Variants in IQCH observed in about 807,000 individuals in gnomAD.
IQCH encodes the protein IQ domain-containing protein H.
Under a neutral mutation model 117.0 loss-of-function variants are expected in IQCH, and 98 were observed. That is an observed-to-expected ratio of 0.84 (90% CI 0.71 to 0.99). The LOEUF (loss-of-function observed/expected upper bound fraction) is 0.99, where lower values mean the gene tolerates loss of function less well. Among genes scored for constraint, IQCH ranks in the 50% least tolerant of loss-of-function variants. The probability of loss-of-function intolerance (pLI) is 0.00; values close to 1 mark genes in which losing one functional copy is unlikely to be tolerated. For missense variants in IQCH, 1,102 were observed against 1,243.8 expected (o/e 0.89, Z 1.72); for synonymous variants, 412 against 448.2 (o/e 0.92, Z 1.02).
Position 67,359,816 on chromosome 15 carries a change from G to C in IQCH, c.715-31G>C, listed in dbSNP as rs181433729. On this transcript the variant is annotated intron_variant, in intron 7 of 20. Transcript: ENST00000335894. The surrounding 1 kb of genome is among the most constrained non-coding windows in gnomAD (Gnocchi z 4.5). The stretch of plus-strand genomic sequence containing the variant: ...TAAAATTGCCCATGAGAGTCGTTTT[G>C]ATTTAAACTGTGTCTCATTCTTCAT... The C allele has an allele frequency of 1.4e-3, 1,658 of 1,196,578 alleles. 3 individuals are homozygous for C. Among genetic ancestry groups the C allele is most frequent in the Non-Finnish European group, 1.7e-3 (1,409 of 819,412 alleles). The allele number at this position is 1,196,578 out of a possible 1,614,324, so 74.1% of individuals were successfully genotyped here.
At chr15:67,266,082 A>G (rs1001209055) in intron 3 of IQCH, among the ~76,000 whole-genome samples, 2 of 151,968 alleles carry the variant, frequency 1.3e-5, no homozygotes, top group African/African-American at 2.4e-5. Flanking sequence ...TTTTATTGAC[A>G]TAGCCATTGG....
At position 67,481,422 on chromosome 15, in the gene IQCH, C is replaced by G. The variant is rs1023146053; in HGVS notation, c.2799+5604C>G. On this transcript the variant is annotated intron_variant, in intron 18 of 20. Transcript: ENST00000335894. The surrounding 1 kb of genome is among the most constrained non-coding windows in gnomAD (Gnocchi z 4.1). The stretch of plus-strand genomic sequence containing the variant: ...AATCATCAGATTGAGTGAGAACTCA[C>G]TCACTATCATGAGAACAGTGTAAGG... Among the ~76,000 whole-genome samples the G allele has an allele frequency of 1.3e-5, 2 of 152,148 alleles. No homozygotes were observed. Among genetic ancestry groups the G allele is most frequent in the African/African-American group, 4.8e-5 (2 of 41,430 alleles).
At chr15:67,288,657 G>C (rs1311845165) in intron 4 of IQCH, among the ~76,000 whole-genome samples, 1 of 151,854 alleles carries the variant, frequency 6.6e-6, no homozygotes, top group Non-Finnish European at 1.5e-5. Flanking sequence ...TGCATTTCTT[G>C]TAGGCAACAT....
chr15:67,480,981 T>G (rs546468728), intron 18 of IQCH, among the ~76,000 whole-genome samples: 1 of 152,032 alleles, frequency 6.6e-6, no homozygotes, highest in Non-Finnish European at 1.5e-5. Context: ...TTTGGCACTT[T>G]GCAAAATGGG....
chr15:67,424,217 A>G lies in IQCH; in HGVS notation c.2505+2640A>G, dbSNP rs141156108. ...TCTTACTCATCATATTCCCTCTACC[A>G]CAGGGCCTAAACATGCTGTTCCTCC... On this transcript the variant is annotated intron_variant, in intron 16 of 20. Transcript: ENST00000335894. The surrounding 1 kb of genome is among the most constrained non-coding windows in gnomAD (Gnocchi z 4.9). Among the ~76,000 whole-genome samples, 23 of 152,138 alleles carry G rather than the reference A, an allele frequency of 1.5e-4. No homozygotes were observed. The East Asian group carries it at 3.7e-3, about 24-fold the overall frequency.
intron 4 of IQCH, among the ~76,000 whole-genome samples, chr15:67,328,233 A>G (rs1968501779): frequency 6.6e-6 from 1 of 152,062 alleles, no homozygotes; most frequent in Non-Finnish European, 1.5e-5. Context: ...AAGCTGCTCC[A>G]CCATTACCAT....
At chr15:67,300,067 C>T (rs889314665) in intron 4 of IQCH, among the ~76,000 whole-genome samples, 1 of 151,974 alleles carries the variant, frequency 6.6e-6, no homozygotes, top group Non-Finnish European at 1.5e-5. Flanking sequence ...TTTTTAGCCT[C>T]TATGAGGAAG....
chr15:67,324,467 A>C (rs1166287535), intron 4 of IQCH, among the ~76,000 whole-genome samples: 1 of 152,000 alleles, frequency 6.6e-6, no homozygotes, highest in Non-Finnish European at 1.5e-5. Flanking sequence ...AAAATTAGCC[A>C]GGCGTGGTGG....
Position 67,416,966 on chromosome 15 carries a change from G to T in IQCH, c.2133G>T (p.Ala711=). The change falls in exon 15 of 21, where the codon GCG becomes GCT. Residue 711 remains alanine (A), a synonymous_variant. Transcript: ENST00000335894. This position sits in a 1 kb window ranked among gnomAD's most constrained non-coding sequence, Gnocchi z 5.1. ...PALVKISEEL[A]GILAQHAQPV... ...TGGTGAAGATCTCTGAGGAGCTGGC[G>T]GGCATTTTAGCACAGCACGCACAGC... is the stretch of plus-strand genomic sequence containing the variant. 6.2e-7 allele frequency: 1 copy of T among 1,605,312 alleles called. No individual in the cohort carries two copies. The highest frequency in any genetic ancestry group is 1.7e-4 in the Middle Eastern group (1 of 6,004).
chr15:67,342,216 A>G lies in IQCH; in HGVS notation c.509-1847A>G, dbSNP rs1969206859. Among the ~76,000 whole-genome samples the G allele has an allele frequency of 6.6e-6, 1 of 152,228 alleles. No homozygotes were observed. Among genetic ancestry groups the G allele is most frequent in the Non-Finnish European group, 1.5e-5 (1 of 68,004 alleles). On this transcript the variant is annotated intron_variant, in intron 5 of 20. Coordinates refer to ENST00000335894, the MANE Select transcript of IQCH (RefSeq NM_001031715.3). The surrounding 1 kb of genome is among the most constrained non-coding windows in gnomAD (Gnocchi z 4.7). ...CAGGTATTCAAGGGTGCAGTGAGCT[A>G]TGATGGTGCCACTGCACTCCAACCT...
intron 4 of IQCH, among the ~76,000 whole-genome samples, chr15:67,308,236 A>G (rs960754864): frequency 6.6e-6 from 1 of 152,168 alleles, no homozygotes; most frequent in African/African-American, 2.4e-5. Context: ...TTCCAAAAAC[A>G]GATGTGGGTA....
chr15:67,437,441 C>G (rs2082165768), intron 16 of IQCH, among the ~76,000 whole-genome samples: 1 of 152,198 alleles, frequency 6.6e-6, no homozygotes, highest in Non-Finnish European at 1.5e-5. Flanking sequence ...TCTGACAGAG[C>G]CTACCCAAAT....
At chr15:67,358,202 C>CTTTTTTTTTTTTTTTTTTTTTT (rs1555462676) in intron 7 of IQCH, among the ~76,000 whole-genome samples, 4 of 5,968 alleles carry the variant, frequency 6.7e-4, no homozygotes, top group African/African-American at 1.1e-3. Context: ...GAGGCACTTT[C>CTTTTTTTTTTTTTTTTTTTTTT]TTTTCTTTTT....
Position 67,465,042 on chromosome 15 carries a change from T to C in IQCH, c.2506-85T>C. 1.6e-6 allele frequency: 2 copies of C among 1,243,370 alleles called. No homozygotes were observed. Among genetic ancestry groups the C allele is most frequent in the Non-Finnish European group, 2.3e-6 (2 of 870,402 alleles). The allele number at this position is 1,243,370 out of a possible 1,614,324, so 77.0% of individuals were successfully genotyped here. The stretch of plus-strand genomic sequence containing the variant: ...GTCACTGGTTTCACTTAGTCTGATG[T>C]AGTTTGGTCTGGTTAGGCAGAGGTG... On this transcript the variant is annotated intron_variant, in intron 16 of 20. Transcript: ENST00000335894. This position sits in a 1 kb window ranked among gnomAD's most constrained non-coding sequence, Gnocchi z 5.9.
chr15:67,352,771 T>C (rs958673141), intron 6 of IQCH, among the ~76,000 whole-genome samples: 1 of 152,148 alleles, frequency 6.6e-6, no homozygotes, highest in Non-Finnish European at 1.5e-5. Flanking sequence ...TCTAGGCATA[T>C]AGGTCTTTTT....
intron 14 of IQCH, among the ~76,000 whole-genome samples, chr15:67,415,810 AT>A (rs1366289767): frequency 3.3e-5 from 5 of 152,162 alleles, no homozygotes; most frequent in African/African-American, 7.2e-5. Context: ...GAATATGAAT[AT>A]TGTCTATCAT....
chr15:67,370,597 C>G lies in IQCH; in HGVS notation c.754-1514C>G, dbSNP rs974730968. Among the ~76,000 whole-genome samples the G allele has an allele frequency of 3.9e-5, 6 of 152,204 alleles. No individual in the cohort carries two copies. The highest frequency in any genetic ancestry group is 1.4e-4 in the African/African-American group (6 of 41,448). On this transcript the variant is annotated intron_variant, in intron 8 of 20. Coordinates refer to ENST00000335894, the MANE Select transcript of IQCH (RefSeq NM_001031715.3). The surrounding 1 kb of genome is among the most constrained non-coding windows in gnomAD (Gnocchi z 5.6). ...AAGGGGGCATTACTTCTCCAACTTT[C>G]TCTTGCCCATCCAAGAAGAAGGAAT...
intron 4 of IQCH, among the ~76,000 whole-genome samples, chr15:67,290,448 G>C (rs1163726945): frequency 6.6e-6 from 1 of 152,064 alleles, no homozygotes; most frequent in African/African-American, 2.4e-5. Context: ...AAATTCAATT[G>C]TGGTGATGAT....
chr15:67,276,324 G>A (rs1966121221), intron 3 of IQCH, among the ~76,000 whole-genome samples: 1 of 152,158 alleles, frequency 6.6e-6, no homozygotes, highest in Non-Finnish European at 1.5e-5. Context: ...AAAAACTTTG[G>A]ACATTATATT....
Sources: allele counts gnomAD v4.1 joint callset (sites outside exome capture counted in the v4.1 genomes callset), GRCh38; gene constraint gnomAD v4.1.1; non-coding constraint Gnocchi (gnomAD v3.1); transcripts MANE v1.5; gene names NCBI Gene and HGNC (gene_info 2026-07-23, HGNC 2026-07-21).